The following CATSPERQ variants were observed in gnomAD, a reference collection of about 807,000 sequenced individuals.
CATSPERQ encodes the protein cation channel sperm-associated auxiliary subunit theta.
chr8:144,354,641 G>A, the CATSPERQ span: 10 of 1,531,570 alleles, frequency 6.5e-6, no homozygotes, highest in Non-Finnish European at 7.9e-6. This position sits in a 1 kb window ranked among gnomAD's most constrained non-coding sequence, Gnocchi z 4.6. Context: ...TGCACGAATG[G>A]GTAGAAGCTA....
At chr8:144,354,601 CCAGCCTCGCG>C in the CATSPERQ span, 1 of 1,503,988 alleles carries the variant, frequency 6.6e-7, no homozygotes, top group Non-Finnish European at 8.9e-7. This position sits in a 1 kb window ranked among gnomAD's most constrained non-coding sequence, Gnocchi z 4.6. Context: ...CCCGCCCCGC[CCAGCCTCGCG>C]CGCACCGTTT....
At chr8:144,353,898 C>T in the CATSPERQ span, 2 of 1,529,158 alleles carry the variant, frequency 1.3e-6, no homozygotes, top group African/African-American at 1.4e-5. Context: ...GCCTGGCCGC[C>T]CCTCCGACCT....
At chr8:144,353,668 G>T in the CATSPERQ span, 2 of 1,470,344 alleles carry the variant, frequency 1.4e-6, no homozygotes, top group South Asian at 1.2e-5. Flanking sequence ...CAGCACCGAA[G>T]ACCGTGTTGT....
chr8:144,354,601 C>T, the CATSPERQ span: 2 of 1,503,988 alleles, frequency 1.3e-6, no homozygotes, highest in African/African-American at 1.4e-5. The surrounding 1 kb of genome is among the most constrained non-coding windows in gnomAD (Gnocchi z 4.6). Flanking sequence ...CCCGCCCCGC[C>T]CAGCCTCGCG....
chr8:144,354,723 G>A, the CATSPERQ span: 3 of 1,535,678 alleles, frequency 2.0e-6, no homozygotes, highest in East Asian at 2.4e-5. The surrounding 1 kb of genome is among the most constrained non-coding windows in gnomAD (Gnocchi z 4.6). Context: ...GGAAGCGCCA[G>A]CCGATGGAGG....
chr8:144,353,982 G>A, the CATSPERQ span: 1 of 1,534,440 alleles, frequency 6.5e-7, no homozygotes, highest in Non-Finnish European at 8.7e-7. Flanking sequence ...GGCGCACGTA[G>A]ACCAGATGCA....
the CATSPERQ span, chr8:144,354,117 C>G: frequency 6.5e-7 from 1 of 1,535,154 alleles, no homozygotes; most frequent in Non-Finnish European, 8.7e-7. This position sits in a 1 kb window ranked among gnomAD's most constrained non-coding sequence, Gnocchi z 4.6. Flanking sequence ...CCACGCCGTA[C>G]ACGAGGAAGA....
the CATSPERQ span, chr8:144,354,043 C>T: frequency 4.6e-6 from 7 of 1,535,486 alleles, no homozygotes; most frequent in Non-Finnish European, 5.2e-6. The surrounding 1 kb of genome is among the most constrained non-coding windows in gnomAD (Gnocchi z 4.6). Context: ...GTACACGCCG[C>T]GCGTGTGGTT....
chr8:144,353,780 C>T, the CATSPERQ span: 28 of 1,535,452 alleles, frequency 1.8e-5, no homozygotes, highest in African/African-American at 4.1e-5. Context: ...GGACCCACCT[C>T]GTAGTGCTCC....
chr8:144,354,692 T>C, the CATSPERQ span: 6 of 1,535,046 alleles, frequency 3.9e-6, no homozygotes, highest in Non-Finnish European at 5.2e-6. The surrounding 1 kb of genome is among the most constrained non-coding windows in gnomAD (Gnocchi z 4.6). Flanking sequence ...TCCGGGCAGG[T>C]GAGTCCTAGG....
the CATSPERQ span, chr8:144,354,662 G>A: frequency 6.5e-7 from 1 of 1,535,204 alleles, no homozygotes; most frequent in Non-Finnish European, 8.7e-7. The surrounding 1 kb of genome is among the most constrained non-coding windows in gnomAD (Gnocchi z 4.6). Flanking sequence ...TTGTTCTTGA[G>A]GCGTCTGGCC....
the CATSPERQ span, chr8:144,353,988 A>G: frequency 6.5e-7 from 1 of 1,534,638 alleles, no homozygotes; most frequent in Non-Finnish European, 8.7e-7. Flanking sequence ...CGTAGACCAG[A>G]TGCAAGGGGC....
the CATSPERQ span, chr8:144,353,228 G>A: frequency 7.9e-7 from 1 of 1,272,990 alleles, no homozygotes; most frequent in Non-Finnish European, 1.1e-6. Context: ...GATCCGTGTG[G>A]AAGCTGAGGC....
At chr8:144,354,386 G>GC in the CATSPERQ span, 11 of 1,501,366 alleles carry the variant, frequency 7.3e-6, no homozygotes, top group Non-Finnish European at 9.8e-6. The surrounding 1 kb of genome is among the most constrained non-coding windows in gnomAD (Gnocchi z 4.6). Context: ...GCCGGGGGTG[G>GC]CGGTGCCAAG....
the CATSPERQ span, chr8:144,354,554 C>T: frequency 2.2e-6 from 2 of 924,902 alleles, no homozygotes; most frequent in Non-Finnish European, 3.2e-6. This position sits in a 1 kb window ranked among gnomAD's most constrained non-coding sequence, Gnocchi z 4.6. Context: ...GCCCGTCTCC[C>T]TCCTCCCCCG....
chr8:144,353,231 G>T, the CATSPERQ span: 2 of 1,297,380 alleles, frequency 1.5e-6, no homozygotes, highest in Non-Finnish European at 1.0e-6. Context: ...CCGTGTGGAA[G>T]CTGAGGCAGC....
the CATSPERQ span, chr8:144,354,271 C>G: frequency 6.5e-7 from 1 of 1,535,682 alleles, no homozygotes; most frequent in South Asian, 1.2e-5. The surrounding 1 kb of genome is among the most constrained non-coding windows in gnomAD (Gnocchi z 4.6). Context: ...CAGGACCACG[C>G]TGATGATGAA....
the CATSPERQ span, chr8:144,354,832 G>T: frequency 6.6e-7 from 1 of 1,506,010 alleles, no homozygotes; most frequent in African/African-American, 1.4e-5. This position sits in a 1 kb window ranked among gnomAD's most constrained non-coding sequence, Gnocchi z 4.6. Context: ...GCCCACAGCG[G>T]CACTCCTACC....
the CATSPERQ span, chr8:144,353,850 G>A: frequency 1.3e-6 from 2 of 1,535,386 alleles, no homozygotes; most frequent in Non-Finnish European, 1.7e-6. Context: ...GGTGGAAGAA[G>A]CACCTTCCGT....
Sources: gnomAD v4.1 joint callset for allele counts on GRCh38, gnomAD v4.1.1 for gene constraint, Gnocchi (gnomAD v3.1) non-coding constraint, MANE v1.5 for transcripts, NCBI Gene and HGNC (gene_info 2026-07-23, HGNC 2026-07-21) for gene names.